The following CNTN1 variants were observed in gnomAD, a reference collection of about 807,000 sequenced individuals.
The protein encoded by CNTN1 is contactin 1.
Under a neutral mutation model 126.4 loss-of-function variants are expected in CNTN1, and 38 were observed. That is an observed-to-expected ratio of 0.30 (90% CI 0.23 to 0.39). The LOEUF (loss-of-function observed/expected upper bound fraction) is 0.39, where lower values mean the gene tolerates loss of function less well. Among genes scored for constraint, CNTN1 ranks in the 10% least tolerant of loss-of-function variants. The pLI is 1.00. For synonymous variants in CNTN1, 413 were observed against 422.6 expected, an observed-to-expected ratio of 0.98 and a Z score of 0.28; for missense variants, 1,009 against 1,248.4, an observed-to-expected ratio of 0.81 and a Z score of 2.89.
At chr12:41,023,495 G>A (rs139868738) in intron 20 of CNTN1, among the ~76,000 whole-genome samples, 1 of 152,288 alleles carries the variant, frequency 6.6e-6, no homozygotes, top group East Asian at 1.9e-4. Flanking sequence ...CTTATCAAGG[G>A]CATTTTGGAA....
chr12:40,752,200 T>C (rs1323483316), intron 1 of CNTN1, among the ~76,000 whole-genome samples: 1 of 152,128 alleles, frequency 6.6e-6, no homozygotes, highest in Non-Finnish European at 1.5e-5. Flanking sequence ...TTATAATAGA[T>C]GAGCCTTGGC....
chr12:40,887,552 T>C (rs1458041363), intron 1 of CNTN1, among the ~76,000 whole-genome samples: 2 of 152,160 alleles, frequency 1.3e-5, no homozygotes, highest in East Asian at 3.9e-4. Flanking sequence ...AGGAACACTT[T>C]TACACTGTTG....
chr12:40,933,335 A>T lies in CNTN1; in HGVS notation c.704-126A>T. 3 of 731,138 alleles carry T rather than the reference A, an allele frequency of 4.1e-6. No homozygotes were observed. The South Asian group carries it at 4.4e-5, about 11-fold the overall frequency. 45.3% of individuals were successfully genotyped at this position (731,138 alleles called of 1,614,324 possible). ...AAACAAGTCTATCCATTATGATATG[A>T]CCTGTACCTGTACAGAGAAAAGCTT... On this transcript the variant is annotated intron_variant, in intron 7 of 23. Coordinates refer to ENST00000551295, the MANE Select transcript of CNTN1 (RefSeq NM_001843.4).
intron 1 of CNTN1, among the ~76,000 whole-genome samples, chr12:40,771,565 G>A (rs1939336789): frequency 5.3e-5 from 8 of 152,002 alleles, no homozygotes; most frequent in Admixed American, 5.3e-4. Flanking sequence ...GATGCAGAAA[G>A]TCCTCAATTC....
intron 1 of CNTN1, among the ~76,000 whole-genome samples, chr12:40,713,392 TACTG>T (rs1941972163): frequency 1.3e-5 from 2 of 151,564 alleles, no homozygotes; most frequent in African/African-American, 2.4e-5. Flanking sequence ...AATACTGTCA[TACTG>T]AGGAGCATTT....
chr12:40,966,894 C>G (rs549350328), intron 15 of CNTN1, among the ~76,000 whole-genome samples: 1 of 152,274 alleles, frequency 6.6e-6, no homozygotes, highest in South Asian at 2.1e-4. Context: ...TCCCTCCACA[C>G]TAGAGTACAG....
intron 1 of CNTN1, among the ~76,000 whole-genome samples, chr12:40,719,193 A>G (rs1175318732): frequency 1.3e-5 from 2 of 152,258 alleles, no homozygotes; most frequent in Admixed American, 6.5e-5. Context: ...CTGAGTCATC[A>G]AAGGAAATAA....
At chr12:40,865,226 C>A (rs191795596) in intron 1 of CNTN1, among the ~76,000 whole-genome samples, 3 of 152,054 alleles carry the variant, frequency 2.0e-5, no homozygotes, top group Admixed American at 6.6e-5. Flanking sequence ...TATAAGAGTT[C>A]TTTTATAATT....
intron 1 of CNTN1, among the ~76,000 whole-genome samples, chr12:40,694,542 A>T (rs1941398672): frequency 6.6e-6 from 1 of 152,194 alleles, no homozygotes; most frequent in Non-Finnish European, 1.5e-5. Flanking sequence ...TTAGCTTCCC[A>T]GGATTTTTGG....
chr12:40,851,045 A>G (rs1193832153), intron 1 of CNTN1, among the ~76,000 whole-genome samples: 1 of 152,202 alleles, frequency 6.6e-6, no homozygotes, highest in Non-Finnish European at 1.5e-5. Context: ...AAATGGAAGT[A>G]TTCCTGCTGG....
At chr12:40,829,197 G>T (rs1404235423) in intron 1 of CNTN1, among the ~76,000 whole-genome samples, 1 of 151,934 alleles carries the variant, frequency 6.6e-6, no homozygotes, top group Non-Finnish European at 1.5e-5. Flanking sequence ...TAAAGCAAGA[G>T]ACACTAGATA....
chr12:41,039,006 T>C (rs905046938), intron 23 of CNTN1, among the ~76,000 whole-genome samples: 4 of 152,124 alleles, frequency 2.6e-5, no homozygotes, highest in Non-Finnish European at 5.9e-5. Flanking sequence ...TGTTTAGATG[T>C]TCAAGGAACA....
chr12:40,989,652 CAA>C (rs1333776669), intron 16 of CNTN1, among the ~76,000 whole-genome samples: 1 of 152,082 alleles, frequency 6.6e-6, no homozygotes, highest in Non-Finnish European at 1.5e-5. Context: ...TAAATAGACA[CAA>C]ACTTTAGAAT....
At chr12:41,056,995 TATAAATATTTAG>T (rs1949827933) in intron 23 of CNTN1, among the ~76,000 whole-genome samples, 1 of 88,396 alleles carries the variant, frequency 1.1e-5, no homozygotes, top group African/African-American at 6.8e-5. Context: ...TTATAAATAT[TATAAATATTTAG>T]ATATTTATAA....
In CNTN1 at chr12:41,000,901, G is replaced by A. The variant is rs573922227; in HGVS notation, c.2113+7632G>A. ...ATGCAGTATTTGGTTTTCTGTTCTTGCACTAATTTGCTAAGGATAATGACT... is the reference window on the plus strand; with the variant it reads ...ATGCAGTATTTGGTTTTCTGTTCTTACACTAATTTGCTAAGGATAATGACT... On this transcript the variant is annotated intron_variant, in intron 17 of 23. Transcript: ENST00000551295. 2.6e-5 allele frequency among the ~76,000 whole-genome samples: 4 copies of A among 152,216 alleles called. No individual in the cohort carries two copies. In the South Asian group the frequency reaches 8.3e-4, roughly 32 times the overall value.
chr12:40,731,775 C>A (rs1942505966), intron 1 of CNTN1, among the ~76,000 whole-genome samples: 1 of 151,792 alleles, frequency 6.6e-6, no homozygotes, highest in Non-Finnish European at 1.5e-5. Flanking sequence ...TTCTAATCAA[C>A]AAAAACAGTG....
At chr12:40,693,524 T>G (rs1941360869) in intron 1 of CNTN1, among the ~76,000 whole-genome samples, 1 of 152,212 alleles carries the variant, frequency 6.6e-6, no homozygotes, top group African/African-American at 2.4e-5. Flanking sequence ...TGCATCACCC[T>G]CTGGGACTGA....
chr12:40,700,757 G>A (rs1044708556), intron 1 of CNTN1, among the ~76,000 whole-genome samples: 1 of 151,918 alleles, frequency 6.6e-6, no homozygotes, highest in Non-Finnish European at 1.5e-5. Flanking sequence ...TACAAACACC[G>A]AGATATAAGA....
At chr12:40,910,346 G>A (rs1485204104) in intron 3 of CNTN1, among the ~76,000 whole-genome samples, 1 of 152,114 alleles carries the variant, frequency 6.6e-6, no homozygotes, top group Non-Finnish European at 1.5e-5. Flanking sequence ...CAATTTGGCT[G>A]GCTTTTTTTC....
Sources: allele counts gnomAD v4.1 joint callset (sites outside exome capture counted in the v4.1 genomes callset), GRCh38; gene constraint gnomAD v4.1.1; transcripts MANE v1.5; gene names NCBI Gene and HGNC (gene_info 2026-07-23, HGNC 2026-07-21).